The following FSIP1 variants were observed in gnomAD, a reference collection of about 807,000 sequenced individuals.
The protein encoded by FSIP1 is fibrous sheath-interacting protein 1.
FSIP1 carries 65 observed loss-of-function variants against 60.9 expected under a neutral mutation model. The ratio of observed to expected loss-of-function variants is 1.07; its 90% CI spans 0.87 to 1.31. FSIP1 has a LOEUF of 1.31. FSIP1 is among the 40% of genes most tolerant of loss of function. The probability of loss-of-function intolerance (pLI) is 0.00; values close to 1 mark genes in which losing one functional copy is unlikely to be tolerated. For missense variants in FSIP1, 675 were observed against 665.5 expected, an observed-to-expected ratio of 1.01 and a Z score of -0.16; for synonymous variants, 209 against 221.2, an observed-to-expected ratio of 0.94 and a Z score of 0.49.
chr15:39,709,204 A>G (rs1312107293), intron 10 of FSIP1, among the ~76,000 whole-genome samples: 2 of 152,212 alleles, frequency 1.3e-5, no homozygotes, highest in East Asian at 1.9e-4. Flanking sequence ...TCGCTAAAAC[A>G]GGATATGGGT....
chr15:39,771,060 T>C (rs1286132263), intron 2 of FSIP1, among the ~76,000 whole-genome samples: 1 of 152,260 alleles, frequency 6.6e-6, no homozygotes, highest in African/African-American at 2.4e-5. Flanking sequence ...GCTTTGGTCA[T>C]TTATTTATTT....
At chr15:39,755,341 A>G (rs1020764489) in intron 5 of FSIP1, among the ~76,000 whole-genome samples, 1 of 152,132 alleles carries the variant, frequency 6.6e-6, no homozygotes, top group African/African-American at 2.4e-5. Flanking sequence ...GCAGAGGATG[A>G]ATGAACACAG....
At chr15:39,619,456 G>T (rs978987992) in intron 10 of FSIP1, among the ~76,000 whole-genome samples, 1 of 152,136 alleles carries the variant, frequency 6.6e-6, no homozygotes, top group East Asian at 1.9e-4. Context: ...TGACCCTAAG[G>T]TTAATATACA....
In FSIP1 at chr15:39,647,748, TA is replaced by T. The variant is rs550091844; in HGVS notation, c.1189-29504del. On this transcript the variant is annotated intron_variant, in intron 10 of 11. Coordinates refer to ENST00000350221, the MANE Select transcript of FSIP1 (RefSeq NM_152597.5). ...ACCATGAATAGGAGAGGGAAGGCATTAAAAAAAAAAGACTTCTTAAGGTCAA... is the reference window on the plus strand; with the variant it reads ...ACCATGAATAGGAGAGGGAAGGCATTAAAAAAAAAGACTTCTTAAGGTCAA... Among the ~76,000 whole-genome samples, 430 of 147,140 alleles carry T rather than the reference TA, an allele frequency of 2.9e-3. 3 individuals are homozygous for T. The highest frequency in any genetic ancestry group is 9.9e-3 in the African/African-American group (401 of 40,384).
chr15:39,754,786 T>C (rs1361989272), intron 5 of FSIP1, among the ~76,000 whole-genome samples: 2 of 151,992 alleles, frequency 1.3e-5, no homozygotes, highest in Non-Finnish European at 2.9e-5. Flanking sequence ...GAATAACAAA[T>C]CCAGTAAAAA....
chr15:39,695,902 C>A (rs919163578), intron 10 of FSIP1, among the ~76,000 whole-genome samples: 1 of 152,162 alleles, frequency 6.6e-6, no homozygotes, highest in Non-Finnish European at 1.5e-5. Context: ...TTATCTAAAC[C>A]TTAGATACTA....
At chr15:39,746,076 C>G (rs1302746849) in intron 5 of FSIP1, among the ~76,000 whole-genome samples, 1 of 151,898 alleles carries the variant, frequency 6.6e-6, no homozygotes, top group Non-Finnish European at 1.5e-5. Flanking sequence ...GAGATCACAT[C>G]TCTAAAAAAT....
At position 39,765,580 on chromosome 15, in the gene FSIP1, G is replaced by C. The variant is rs779145836; in HGVS notation, c.465+12C>G. On this transcript the variant is annotated intron_variant, in intron 4 of 11. Transcript: ENST00000350221. ...TTTCTTACATGTCAGCATAAGGTTA[G>C]ATAATTCTTACCTTAATTTCTTCCC... 1 of 1,567,126 alleles carries C rather than the reference G, an allele frequency of 6.4e-7. No individual in the cohort carries two copies. Among genetic ancestry groups the C allele is most frequent in the Non-Finnish European group, 8.6e-7 (1 of 1,159,704 alleles).
Position 39,765,583 on chromosome 15 carries a change from A to C in FSIP1, c.465+9T>G. 1 of 1,565,164 alleles carries C rather than the reference A, an allele frequency of 6.4e-7. No individual in the cohort carries two copies. The highest frequency in any genetic ancestry group is 8.6e-7 in the Non-Finnish European group (1 of 1,158,042). ...CTTACATGTCAGCATAAGGTTAGAT[A>C]ATTCTTACCTTAATTTCTTCCCACA... On this transcript the variant is annotated intron_variant, in intron 4 of 11. Coordinates refer to ENST00000350221, the MANE Select transcript of FSIP1 (RefSeq NM_152597.5).
chr15:39,614,307 A>T (rs1891143733), intron 11 of FSIP1, among the ~76,000 whole-genome samples: 1 of 152,334 alleles, frequency 6.6e-6, no homozygotes, highest in South Asian at 2.1e-4. Flanking sequence ...ATAGGAAATT[A>T]AGAAAACAAT....
chr15:39,750,677 A>G (rs952306389), intron 5 of FSIP1, among the ~76,000 whole-genome samples: 2 of 152,008 alleles, frequency 1.3e-5, no homozygotes, highest in African/African-American at 4.8e-5. Context: ...CTGAAACTAC[A>G]AAACTCCTAG....
chr15:39,678,705 G>A (rs963976833), intron 10 of FSIP1, among the ~76,000 whole-genome samples: 2 of 151,720 alleles, frequency 1.3e-5, no homozygotes, highest in African/African-American at 2.4e-5. Context: ...GCTGTTTTAC[G>A]TTATCACTCC....
intron 9 of FSIP1, among the ~76,000 whole-genome samples, chr15:39,718,663 A>AT (rs757763033): frequency 2.2e-4 from 33 of 151,824 alleles, no homozygotes; most frequent in East Asian, 5.8e-4. Context: ...CGCCTGGCTG[A>AT]TTTTTTTTGT....
At chr15:39,632,384 C>T (rs1351939271) in intron 10 of FSIP1, among the ~76,000 whole-genome samples, 1 of 152,050 alleles carries the variant, frequency 6.6e-6, no homozygotes, top group Non-Finnish European at 1.5e-5. Flanking sequence ...TGCCATGTTG[C>T]CCAAGCTGGT....
rs149244509 is a variant in FSIP1, at chr15:39,743,966, C to T, written c.560-2066G>A. Reference sequence around the variant, plus strand: ...TAAAAGGTATGACAATAATGTAATGCATAGCCTGAGATTTTTCTTTTGCTA... The same window carrying T: ...TAAAAGGTATGACAATAATGTAATGTATAGCCTGAGATTTTTCTTTTGCTA... On this transcript the variant is annotated intron_variant, in intron 5 of 11. Transcript: ENST00000350221. 2.2e-3 allele frequency among the ~76,000 whole-genome samples: 338 copies of T among 152,270 alleles called. 1 individual carries two copies. The highest frequency in any genetic ancestry group is 7.6e-3 in the African/African-American group (314 of 41,544).
chr15:39,750,125 CACT>C (rs940532367), intron 5 of FSIP1, among the ~76,000 whole-genome samples: 22 of 151,804 alleles, frequency 1.4e-4, no homozygotes, highest in African/African-American at 5.3e-4. Context: ...AAGACCTGGA[CACT>C]AAAAACTATA....
chr15:39,697,631 A>ATT (rs1014941498), intron 10 of FSIP1, among the ~76,000 whole-genome samples: 3 of 152,200 alleles, frequency 2.0e-5, no homozygotes, highest in Non-Finnish European at 4.4e-5. Context: ...CAAGTTAAGA[A>ATT]AAGCCTATAA....
intron 10 of FSIP1, among the ~76,000 whole-genome samples, chr15:39,707,419 G>T (rs1595640245): frequency 6.6e-6 from 1 of 151,954 alleles, no homozygotes; most frequent in African/African-American, 2.4e-5. Flanking sequence ...TTCAAACATG[G>T]CCTCACCCAC....
chr15:39,773,508 A>G (rs1566922532), intron 2 of FSIP1, among the ~76,000 whole-genome samples: 1 of 152,246 alleles, frequency 6.6e-6, no homozygotes, highest in African/African-American at 2.4e-5. Flanking sequence ...TAAGTCTTGA[A>G]TGAAGTAATA....
Sources: gnomAD v4.1 joint callset for allele counts (sites outside exome capture counted in the v4.1 genomes callset) on GRCh38, gnomAD v4.1.1 for gene constraint, MANE v1.5 for transcripts, NCBI Gene and HGNC (gene_info 2026-07-23, HGNC 2026-07-21) for gene names.